CCDC91: variants seen among roughly 807,000 people sequenced by gnomAD.
The protein encoded by CCDC91 is coiled-coil domain-containing protein 91.
CCDC91 carries 48 observed loss-of-function variants against 63.2 expected under a neutral mutation model. The observed-to-expected ratio is 0.76, with a 90% CI of 0.60 to 0.97. The LOEUF (loss-of-function observed/expected upper bound fraction) is 0.97, where lower values mean the gene tolerates loss of function less well. CCDC91 is among the 50% of genes least tolerant of loss of function. CCDC91 has a pLI of 0.00. For synonymous variants in CCDC91, 167 were observed against 165.8 expected, an observed-to-expected ratio of 1.01 and a Z score of -0.06; for missense variants, 500 against 494.6, an observed-to-expected ratio of 1.01 and a Z score of -0.10.
At chr12:28,362,362 C>T in intron 6 of CCDC91, 76 bp from the exon 7 acceptor site, 1 of 1,030,092 alleles carries the variant, frequency 9.7e-7, no homozygotes, top group Non-Finnish European at 1.4e-6. Flanking sequence ...GTGGAAGCAG[C>T]AAAAGTCTAT....
chr12:28,523,271 A>T (rs11486296), intron 12 of CCDC91, among the ~76,000 whole-genome samples: 1 of 152,028 alleles, frequency 6.6e-6, no homozygotes, highest in East Asian at 1.9e-4. Flanking sequence ...TATTGGGTGC[A>T]TATATATTTA....
rs1311604418 is a variant in CCDC91 at position 28,267,895 on chromosome 12, TA to T, written c.109+8454del. On this transcript the variant is annotated intron_variant, in intron 3 of 12. Coordinates refer to ENST00000536442, the MANE Select transcript of CCDC91 (RefSeq NM_018318.5). Reference sequence around the variant, plus strand: ...TAATTATATATAATTATTATAATTATATATAATTATATTATATATAATTATT... The same window carrying T: ...TAATTATATATAATTATTATAATTATTATAATTATATTATATATAATTATT... 7.3e-5 allele frequency among the ~76,000 whole-genome samples: 6 copies of T among 82,158 alleles called. 1 individual carries two copies. The highest frequency in any genetic ancestry group is 2.8e-4 in the African/African-American group (6 of 21,650). 53.9% of individuals were successfully genotyped at this position (82,158 alleles called of 152,430 possible).
At chr12:28,309,528 T>A (rs1939097334) in intron 6 of CCDC91, among the ~76,000 whole-genome samples, 1 of 152,050 alleles carries the variant, frequency 6.6e-6, no homozygotes, top group Admixed American at 6.6e-5. Context: ...TCTTATTCAT[T>A]CGGTCTTATA....
At chr12:28,203,970 A>T (rs1312345338) in intron 1 of CCDC91, among the ~76,000 whole-genome samples, 1 of 151,920 alleles carries the variant, frequency 6.6e-6, no homozygotes, top group Non-Finnish European at 1.5e-5. Context: ...TTTCCTAGTT[A>T]AAAAAAACAA....
chr12:28,506,301 CA>C (rs1938706243), intron 12 of CCDC91, among the ~76,000 whole-genome samples: 1 of 151,936 alleles, frequency 6.6e-6, no homozygotes, highest in East Asian at 1.9e-4. Flanking sequence ...ACAGTGCTCT[CA>C]TAATGAAAAA....
chr12:28,432,181 CT>C (rs1420419180), intron 8 of CCDC91, among the ~76,000 whole-genome samples: 1 of 151,864 alleles, frequency 6.6e-6, no homozygotes, highest in Non-Finnish European at 1.5e-5. Flanking sequence ...CAGATGAGTT[CT>C]TTTTAGCGCT....
chr12:28,195,433 A>T (rs1402516087), intron 1 of CCDC91, among the ~76,000 whole-genome samples: 1 of 147,904 alleles, frequency 6.8e-6, no homozygotes, highest in Non-Finnish European at 1.5e-5. Flanking sequence ...AGCCGGCTTC[A>T]CCTCTCATTA....
intron 7 of CCDC91, among the ~76,000 whole-genome samples, chr12:28,379,711 G>C (rs899327638): frequency 6.6e-6 from 1 of 152,162 alleles, no homozygotes; most frequent in Non-Finnish European, 1.5e-5. Flanking sequence ...TGGTGGGAGT[G>C]TATATTAGTT....
chr12:28,548,451 A>T (rs1246534292), intron 12 of CCDC91, among the ~76,000 whole-genome samples: 1 of 152,038 alleles, frequency 6.6e-6, no homozygotes, highest in Non-Finnish European at 1.5e-5. Context: ...TTATATATTT[A>T]GTAGAGATGG....
intron 11 of CCDC91, among the ~76,000 whole-genome samples, chr12:28,460,047 G>A (rs1437382256): frequency 1.3e-5 from 2 of 152,016 alleles, no homozygotes; most frequent in African/African-American, 2.4e-5. Flanking sequence ...ATGTTCCAAG[G>A]ATGCATACAT....
At chr12:28,390,221 A>G (rs749982997) in intron 7 of CCDC91, among the ~76,000 whole-genome samples, 9 of 152,042 alleles carry the variant, frequency 5.9e-5, no homozygotes, top group East Asian at 1.9e-4. Context: ...ATACATGCCT[A>G]TTTATCCAGC....
At chr12:28,291,989 C>T (rs4357727) in intron 3 of CCDC91, among the ~76,000 whole-genome samples, 92,988 of 152,052 alleles carry the variant, frequency 0.61, 29,459 homozygotes, top group East Asian at 0.94. Flanking sequence ...ATGCACTGTA[C>T]GTTTATTAGC....
chr12:28,377,526 C>T (rs911505849), intron 7 of CCDC91, among the ~76,000 whole-genome samples: 3 of 151,576 alleles, frequency 2.0e-5, no homozygotes, highest in African/African-American at 7.3e-5. Flanking sequence ...GTTTCTTGGC[C>T]CATCTGTGGG....
chr12:28,493,389 G>T (rs1438202717), intron 12 of CCDC91, among the ~76,000 whole-genome samples: 1 of 151,604 alleles, frequency 6.6e-6, no homozygotes, highest in Non-Finnish European at 1.5e-5. Flanking sequence ...ATACCTTTCT[G>T]TTTTTACAGG....
chr12:28,211,423 A>G (rs760818612), intron 1 of CCDC91, among the ~76,000 whole-genome samples: 2 of 152,164 alleles, frequency 1.3e-5, no homozygotes, highest in Non-Finnish European at 2.9e-5. Context: ...GAGTCTGCCT[A>G]GCACCCAATA....
intron 12 of CCDC91, among the ~76,000 whole-genome samples, chr12:28,490,816 A>G (rs145600224): frequency 5.3e-5 from 8 of 151,860 alleles, no homozygotes; most frequent in Middle Eastern, 3.4e-3. Context: ...AGTCTTCTTG[A>G]TGGTCTGTCT....
Position 28,397,731 on chromosome 12 carries a change from A to G in CCDC91, c.762+6320A>G, listed in dbSNP as rs1437331760. On this transcript the variant is annotated intron_variant, in intron 8 of 12. Transcript: ENST00000536442. The stretch of plus-strand genomic sequence containing the variant: ...TATAAAATCCAAATTCCTATAAAGG[A>G]TAAGTACAATATGCTATTTATAATT... Among the ~76,000 whole-genome samples, 5 of 152,164 alleles carry G rather than the reference A, an allele frequency of 3.3e-5. 1 individual carries two copies. The highest frequency in any genetic ancestry group is 7.4e-5 in the Non-Finnish European group (5 of 68,004).
intron 6 of CCDC91, among the ~76,000 whole-genome samples, chr12:28,324,652 A>G (rs963374080): frequency 2.0e-5 from 3 of 151,816 alleles, no homozygotes; most frequent in African/African-American, 4.8e-5. Context: ...AAAATACCTT[A>G]CAAGGTTTCA....
intron 1 of CCDC91, among the ~76,000 whole-genome samples, chr12:28,239,825 T>TA (rs1267331837): frequency 1.3e-5 from 2 of 151,490 alleles, no homozygotes; most frequent in Non-Finnish European, 3.0e-5. Context: ...ATATATGTAT[T>TA]TATTTGAGTA....
Sources: gnomAD v4.1 joint callset for allele counts (sites outside exome capture counted in the v4.1 genomes callset) on GRCh38, gnomAD v4.1.1 for gene constraint, MANE v1.5 for transcripts, NCBI Gene and HGNC (gene_info 2026-07-23, HGNC 2026-07-21) for gene names.